Variants in ZNF860 observed in about 807,000 individuals in gnomAD.
ZNF860 encodes the protein zinc finger protein 860.
For missense variants in ZNF860, 641 were observed against 759.2 expected, an observed-to-expected ratio of 0.84 and a Z score of 1.83; for synonymous variants, 206 against 248.9, an observed-to-expected ratio of 0.83 and a Z score of 1.62.
chr3:32,004,216 G>A, the ZNF860 span, among the ~76,000 whole-genome samples: 1 of 152,190 alleles, frequency 6.6e-6, no homozygotes, highest in Non-Finnish European at 1.5e-5. Context: ...TGACAGCCAA[G>A]TCTGGAGCCC....
At chr3:31,995,182 TTG>T (rs1699077714), downstream of ZNF860, among the ~76,000 whole-genome samples, 1 of 152,016 alleles carries the variant, frequency 6.6e-6, no homozygotes, top group Non-Finnish European at 1.5e-5. Flanking sequence ...AAAACAGAGT[TTG>T]AGAGCAGAGA....
Position 31,991,128 on chromosome 3 carries a change from T to A in ZNF860, c.*150T>A, listed in dbSNP as rs1415199591. The stretch of plus-strand genomic sequence containing the variant: ...GTTGACTTGACATTGAGTTCAAGCA[T>A]TAATTGACATTAAAGTGTTTACGTT... On this transcript the variant is annotated 3_prime_UTR_variant, in exon 2 of 2. Coordinates refer to ENST00000360311, the MANE Select transcript of ZNF860 (RefSeq NM_001137674.3). 6.3e-6 allele frequency: 5 copies of A among 798,158 alleles called. No individual in the cohort carries two copies. Among genetic ancestry groups the A allele is most frequent in the Non-Finnish European group, 1.0e-5 (5 of 500,924 alleles). 49.4% of individuals were successfully genotyped at this position (798,158 alleles called of 1,614,324 possible). A position where few individuals can be genotyped will look rare whatever the true frequency, so the allele number is the denominator to read the frequency against.
intron 1 of ZNF860, chr3:31,986,208 CA>C (rs1167774804): frequency 6.6e-6 from 1 of 152,158 alleles, no homozygotes; most frequent in Non-Finnish European, 1.5e-5. Context: ...GGCCTGAACA[CA>C]ATCATACTCA....
chr3:31,991,010 A>G lies in ZNF860; in HGVS notation c.*32A>G. 1 of 1,528,838 alleles carries G rather than the reference A, an allele frequency of 6.5e-7. No individual in the cohort carries two copies. The highest frequency in any genetic ancestry group is 8.8e-7 in the Non-Finnish European group (1 of 1,135,510). 94.7% of individuals were successfully genotyped at this position (1,528,838 alleles called of 1,614,324 possible). A position where few individuals can be genotyped will look rare whatever the true frequency, so the allele number is the denominator to read the frequency against. On this transcript the variant is annotated 3_prime_UTR_variant, in exon 2 of 2. Transcript: ENST00000360311. Reference sequence around the variant, plus strand: ...CTCCTTGCAAAACATCAGAAAATTCATTCCTGAGATAATTGTTCCAAATGC... The same window carrying G: ...CTCCTTGCAAAACATCAGAAAATTCGTTCCTGAGATAATTGTTCCAAATGC...
intron 1 of ZNF860, chr3:31,986,453 A>T (rs1467766171): frequency 6.6e-6 from 1 of 152,222 alleles, no homozygotes; most frequent in Non-Finnish European, 1.5e-5. Context: ...CTCCATTAAG[A>T]TTACCCTGAG....
chr3:31,996,995 C>G, the ZNF860 span, among the ~76,000 whole-genome samples: 1 of 152,154 alleles, frequency 6.6e-6, no homozygotes, highest in African/African-American at 2.4e-5. Flanking sequence ...CATGGAGATT[C>G]ATCTTGATGC....
At chr3:31,984,230 T>C (rs1698902071) in intron 1 of ZNF860, among the ~76,000 whole-genome samples, 1 of 152,040 alleles carries the variant, frequency 6.6e-6, no homozygotes, top group Non-Finnish European at 1.5e-5. Flanking sequence ...TTAGTAGAGA[T>C]GGGATTTCAC....
At chr3:32,004,979 T>G in the ZNF860 span, among the ~76,000 whole-genome samples, 22 of 152,362 alleles carry the variant, frequency 1.4e-4, no homozygotes, top group South Asian at 3.5e-3. Flanking sequence ...TAAGTATCCT[T>G]GGATAGGATG....
At chr3:31,988,185 T>C (rs1163741867) in intron 1 of ZNF860, among the ~76,000 whole-genome samples, 3 of 152,158 alleles carry the variant, frequency 2.0e-5, no homozygotes. Context: ...TGCTTCACCA[T>C]TGTGTTTTGA....
downstream of ZNF860, among the ~76,000 whole-genome samples, chr3:31,992,987 A>C (rs1379980731): frequency 1.3e-5 from 2 of 152,114 alleles, no homozygotes; most frequent in African/African-American, 2.4e-5. Flanking sequence ...CAGGCAATAG[A>C]GCAAGACCCT....
Position 31,988,906 on chromosome 3 carries a change from G to C in ZNF860, c.-174G>C. ...AGAGACACTGAGCCAGGAACACCCAGCTGAAGTGCCTCCAAACCCCGACCC... is the reference window on the plus strand; with the variant it reads ...AGAGACACTGAGCCAGGAACACCCACCTGAAGTGCCTCCAAACCCCGACCC... On this transcript the variant is annotated 5_prime_UTR_variant, in exon 2 of 2. Coordinates refer to ENST00000360311, the MANE Select transcript of ZNF860 (RefSeq NM_001137674.3). 2.6e-6 allele frequency: 2 copies of C among 766,344 alleles called. No individual in the cohort carries two copies. Among genetic ancestry groups the C allele is most frequent in the Non-Finnish European group, 4.2e-6 (2 of 481,828 alleles). 47.5% of individuals were successfully genotyped at this position (766,344 alleles called of 1,614,324 possible).
In ZNF860 at chr3:31,989,724, A is replaced by T. The variant is rs745570159; in HGVS notation, c.645A>T (p.Ser215=). 1.2e-6 allele frequency: 2 copies of T among 1,614,102 alleles called. No individual in the cohort carries two copies. The highest frequency in any genetic ancestry group is 1.1e-5 in the South Asian group (1 of 91,060). ...ATGAAAATAATTTCTTCCATTCATC[A>T]TTACTCACACTAAAACAGGAAGTAC... ...NNYENNFFHS[S]LLTLKQEVHI... The change falls in exon 2 of 2, where the codon TCA becomes TCT. Residue 215 remains serine (S), a synonymous_variant. Transcript: ENST00000360311.
the ZNF860 span, among the ~76,000 whole-genome samples, chr3:31,998,443 T>C: frequency 6.6e-6 from 1 of 152,110 alleles, no homozygotes; most frequent in Non-Finnish European, 1.5e-5. Context: ...CAGATGGTTG[T>C]CCCCCAGCAT....
the ZNF860 span, among the ~76,000 whole-genome samples, chr3:32,000,533 C>T: frequency 1.3e-5 from 2 of 152,200 alleles, no homozygotes; most frequent in Non-Finnish European, 2.9e-5. Context: ...ATAATCAATG[C>T]ATCTATTTGA....
chr3:31,987,978 G>A (rs1314055591), intron 1 of ZNF860, among the ~76,000 whole-genome samples: 2 of 152,226 alleles, frequency 1.3e-5, no homozygotes, highest in East Asian at 1.9e-4. Flanking sequence ...AGGGAAGGAT[G>A]ATTAAGAGGG....
the ZNF860 span, among the ~76,000 whole-genome samples, chr3:31,999,599 G>C: frequency 7.9e-5 from 12 of 151,976 alleles, no homozygotes; most frequent in African/African-American, 2.9e-4. Flanking sequence ...TACCTCAGGT[G>C]ATCTGCCTGC....
At chr3:32,001,906 A>G in the ZNF860 span, among the ~76,000 whole-genome samples, 1 of 152,228 alleles carries the variant, frequency 6.6e-6, no homozygotes, top group African/African-American at 2.4e-5. Flanking sequence ...TGACAATTAC[A>G]GCAATCCTGA....
chr3:32,001,858 C>T, the ZNF860 span, among the ~76,000 whole-genome samples: 129 of 152,294 alleles, frequency 8.5e-4, no homozygotes, highest in Middle Eastern at 0.017. Flanking sequence ...ACCCAGTAAT[C>T]TCTATTATCC....
In ZNF860 at chr3:31,990,230, C is replaced by T; in HGVS notation, c.1151C>T (p.Thr384Ile). 2 of 1,613,984 alleles carry T rather than the reference C, an allele frequency of 1.2e-6. No homozygotes were observed. The highest frequency in any genetic ancestry group is 1.7e-6 in the Non-Finnish European group (2 of 1,179,930). ...GGCAAAGCCTTTAGTGGGCAGTCAA[C>T]ACTTATTCACCATCAAGCAATCCAT... is the stretch of plus-strand genomic sequence containing the variant. ...ECGKAFSGQSTLIHHQAIHGI... is the reference protein window; with the variant it reads ...ECGKAFSGQSILIHHQAIHGI... Residue 384 changes from threonine (T) to isoleucine (I), a missense_variant, in exon 2 of 2, where the codon ACA becomes ATA. By Grantham distance (89) the Thr-to-Ile change is moderately conservative (BLOSUM62 -1). Transcript: ENST00000360311.
Sources: gnomAD v4.1 joint callset for allele counts (sites outside exome capture counted in the v4.1 genomes callset) on GRCh38, gnomAD v4.1.1 for gene constraint, MANE v1.5 for transcripts, NCBI Gene and HGNC (gene_info 2026-07-23, HGNC 2026-07-21) for gene names.